Variants in GAP43 observed in about 807,000 individuals in gnomAD.
The protein encoded by GAP43 is neuromodulin.
Under a neutral mutation model 18.6 loss-of-function variants are expected in GAP43, and 6 were observed. The ratio of observed to expected loss-of-function variants is 0.32; its 90% confidence interval spans 0.18 to 0.64. The LOEUF is 0.64. Ranked by LOEUF, GAP43 falls within the 30% of genes least tolerant of loss-of-function variation. The pLI is 0.78. For synonymous variants in GAP43, 115 were observed against 111.4 expected, an observed-to-expected ratio of 1.03 and a Z score of -0.20; for missense variants, 292 against 295.5, an observed-to-expected ratio of 0.99 and a Z score of 0.09.
chr3:115,697,509 T>A (rs1709211499), intron 2 of GAP43, among the ~76,000 whole-genome samples: 2 of 152,182 alleles, frequency 1.3e-5, no homozygotes, highest in Non-Finnish European at 1.5e-5. Flanking sequence ...CAACTATAAC[T>A]GGGTTGTGTC....
In GAP43 at chr3:115,667,186, T is replaced by C. The variant is rs146916902; in HGVS notation, c.31-8827T>C. 2.4e-3 allele frequency among the ~76,000 whole-genome samples: 360 copies of C among 152,192 alleles called. 1 individual carries two copies. Among genetic ancestry groups the C allele is most frequent in the African/African-American group, 7.8e-3 (323 of 41,504 alleles). ...ATTTTAGCCACTGAAGCTTAGAAGATTGTAAAAAAACAGATAAAGTTCTGT... is the reference window on the plus strand; with the variant it reads ...ATTTTAGCCACTGAAGCTTAGAAGACTGTAAAAAAACAGATAAAGTTCTGT... On this transcript the variant is annotated intron_variant, in intron 1 of 2. Transcript: ENST00000305124.
intron 1 of GAP43, among the ~76,000 whole-genome samples, chr3:115,652,034 C>T (rs1367420160): frequency 2.6e-5 from 4 of 152,098 alleles, no homozygotes; most frequent in Non-Finnish European, 5.9e-5. Flanking sequence ...ATAGCTTCAA[C>T]TATCACCTTC....
chr3:115,624,861 G>T (rs1296795071), intron 1 of GAP43, among the ~76,000 whole-genome samples: 1 of 147,838 alleles, frequency 6.8e-6, no homozygotes, highest in African/African-American at 2.5e-5. Flanking sequence ...ATGGGTGTGG[G>T]ATACGGGTGA....
intron 1 of GAP43, among the ~76,000 whole-genome samples, chr3:115,671,994 G>A (rs1358958405): frequency 6.6e-6 from 1 of 152,210 alleles, no homozygotes; most frequent in Non-Finnish European, 1.5e-5. Flanking sequence ...CTTCCGTTCA[G>A]TAGCATTTGT....
intron 2 of GAP43, among the ~76,000 whole-genome samples, chr3:115,705,726 T>C (rs914428132): frequency 3.3e-5 from 5 of 152,192 alleles, no homozygotes; most frequent in African/African-American, 1.2e-4. Context: ...AGAAAGTAGA[T>C]TCAATAAAAA....
chr3:115,664,643 A>T (rs1708708811), intron 1 of GAP43, among the ~76,000 whole-genome samples: 1 of 152,230 alleles, frequency 6.6e-6, no homozygotes, highest in Non-Finnish European at 1.5e-5. Flanking sequence ...TGTCAATGAC[A>T]GATCATCGAG....
intron 2 of GAP43, among the ~76,000 whole-genome samples, chr3:115,696,988 C>G (rs1390473516): frequency 6.6e-6 from 1 of 151,592 alleles, no homozygotes; most frequent in African/African-American, 2.4e-5. Context: ...GCCCACCACA[C>G]CCGGCTAAAT....
intron 2 of GAP43, among the ~76,000 whole-genome samples, chr3:115,688,136 C>G (rs1248602421): frequency 1.3e-5 from 2 of 152,080 alleles, no homozygotes; most frequent in African/African-American, 4.8e-5. Flanking sequence ...CCTGCCTCAG[C>G]CTCCCGAGTA....
chr3:115,698,299 A>AT lies in GAP43; in HGVS notation c.628+21690dup, dbSNP rs1709249892. Among the ~76,000 whole-genome samples the AT allele has an allele frequency of 5.2e-5, 4 of 76,284 alleles. 1 individual carries two copies. The South Asian group carries it at 1.4e-3, about 26-fold the overall frequency. 50.0% of individuals were successfully genotyped at this position (76,284 alleles called of 152,430 possible). A position where few individuals can be genotyped will look rare whatever the true frequency, so the allele number is the denominator to read the frequency against. Reference sequence around the variant, plus strand: ...TATATATAAATATAATATATATATTATATATAAAATATATATAATATATAT... The same window carrying AT: ...TATATATAAATATAATATATATATTATTATATAAAATATATATAATATATAT... On this transcript the variant is annotated intron_variant, in intron 2 of 2. Coordinates refer to ENST00000305124, the MANE Select transcript of GAP43 (RefSeq NM_002045.4).
chr3:115,673,219 A>T (rs1708836990), intron 1 of GAP43, among the ~76,000 whole-genome samples: 1 of 152,192 alleles, frequency 6.6e-6, no homozygotes, highest in African/African-American at 2.4e-5. Flanking sequence ...CAGATGCTTT[A>T]AGAAATTGAG....
At chr3:115,653,992 C>T (rs1708553186) in intron 1 of GAP43, among the ~76,000 whole-genome samples, 1 of 152,130 alleles carries the variant, frequency 6.6e-6, no homozygotes, top group Admixed American at 6.6e-5. Flanking sequence ...CACATCTCCC[C>T]TTTCCACTCC....
intron 2 of GAP43, among the ~76,000 whole-genome samples, chr3:115,714,690 C>A (rs1328304047): frequency 3.2e-5 from 4 of 124,982 alleles, no homozygotes; most frequent in Non-Finnish European, 6.5e-5. Context: ...TAAAACACAT[C>A]ATCGATTTTT....
At chr3:115,704,917 C>T (rs1218186268) in intron 2 of GAP43, among the ~76,000 whole-genome samples, 1 of 152,112 alleles carries the variant, frequency 6.6e-6, no homozygotes, top group Non-Finnish European at 1.5e-5. Flanking sequence ...ATTTCATGAA[C>T]AACTACAAGC....
intron 1 of GAP43, among the ~76,000 whole-genome samples, chr3:115,658,303 T>C (rs1049662566): frequency 2.6e-5 from 4 of 152,186 alleles, no homozygotes; most frequent in Non-Finnish European, 5.9e-5. Flanking sequence ...CTCCCCACTT[T>C]GCTTCTTACT....
At chr3:115,641,921 C>T (rs982471364) in intron 1 of GAP43, among the ~76,000 whole-genome samples, 5 of 151,984 alleles carry the variant, frequency 3.3e-5, no homozygotes, top group African/African-American at 1.2e-4. Flanking sequence ...TCTGTCTAGT[C>T]CGCTCCCTCC....
chr3:115,680,260 C>A (rs986156989), intron 2 of GAP43, among the ~76,000 whole-genome samples: 1 of 152,088 alleles, frequency 6.6e-6, no homozygotes, highest in African/African-American at 2.4e-5. Flanking sequence ...AGTTTGAGAC[C>A]AGCCTGGGCA....
intron 2 of GAP43, among the ~76,000 whole-genome samples, chr3:115,679,437 T>C (rs997942786): frequency 8.5e-5 from 13 of 152,210 alleles, no homozygotes; most frequent in Non-Finnish European, 1.9e-4. Flanking sequence ...TCTCCAAGTA[T>C]GTCCACCTCT....
At chr3:115,717,156 T>C (rs1280606415) in intron 2 of GAP43, among the ~76,000 whole-genome samples, 1 of 152,134 alleles carries the variant, frequency 6.6e-6, no homozygotes, top group Non-Finnish European at 1.5e-5. Context: ...AAATATTTAC[T>C]GAGGTTCTTT....
intron 2 of GAP43, among the ~76,000 whole-genome samples, chr3:115,688,451 T>C (rs1709062342): frequency 1.3e-5 from 2 of 148,368 alleles, no homozygotes; most frequent in African/African-American, 2.5e-5. Flanking sequence ...GATGGGATAC[T>C]ATTTAAAAAA....
Sources: gnomAD v4.1 joint callset for allele counts (sites outside exome capture counted in the v4.1 genomes callset) on GRCh38, gnomAD v4.1.1 for gene constraint, MANE v1.5 for transcripts, NCBI Gene and HGNC (gene_info 2026-07-23, HGNC 2026-07-21) for gene names.